SYN2: variants seen among roughly 807,000 people sequenced by gnomAD.
SYN2 encodes the protein synapsin-2.
SYN2 carries 19 observed loss-of-function variants against 50.9 expected under a neutral mutation model. The observed-to-expected ratio is 0.37, with a 90% CI of 0.26 to 0.55. The LOEUF is 0.55. Among genes scored for constraint, SYN2 ranks in the 20% least tolerant of loss-of-function variants. The pLI, the probability that SYN2 is intolerant of heterozygous loss-of-function variation, is 0.81. For synonymous variants in SYN2, 255 were observed against 224.9 expected, an observed-to-expected ratio of 1.13 and a Z score of -1.20; for missense variants, 587 against 576.4, an observed-to-expected ratio of 1.02 and a Z score of -0.19.
intron 1 of SYN2, among the ~76,000 whole-genome samples, chr3:12,132,911 G>A (rs1185973725): frequency 5.9e-5 from 9 of 152,116 alleles, no homozygotes; most frequent in African/African-American, 2.2e-4. Context: ...GATTGTAGTT[G>A]AGCATTCCAG....
chr3:12,179,166 C>T (rs1399730250), intron 10 of SYN2, among the ~76,000 whole-genome samples: 1 of 152,072 alleles, frequency 6.6e-6, no homozygotes, highest in Non-Finnish European at 1.5e-5. Flanking sequence ...TTCAGCGTAG[C>T]AGGATACCAG....
At chr3:12,092,831 G>A (rs1695858167) in intron 1 of SYN2, among the ~76,000 whole-genome samples, 1 of 152,194 alleles carries the variant, frequency 6.6e-6, no homozygotes, top group Admixed American at 6.5e-5. Flanking sequence ...TTGAGCCAGA[G>A]TTTGAGGTGA....
At chr3:12,132,427 C>T (rs112698449) in intron 1 of SYN2, among the ~76,000 whole-genome samples, 1 of 152,174 alleles carries the variant, frequency 6.6e-6, no homozygotes, top group Non-Finnish European at 1.5e-5. Context: ...AAACCAGTAA[C>T]ATTAAGATGA....
intron 1 of SYN2, among the ~76,000 whole-genome samples, chr3:12,088,449 G>A (rs189823149): frequency 5.9e-5 from 9 of 152,274 alleles, no homozygotes; most frequent in Admixed American, 4.6e-4. Flanking sequence ...TGCACTATTG[G>A]TGGGAAGGTA....
chr3:12,046,913 G>A (rs1309819749), intron 1 of SYN2, among the ~76,000 whole-genome samples: 1 of 151,916 alleles, frequency 6.6e-6, no homozygotes, highest in South Asian at 2.1e-4. Context: ...GGGAGATGAT[G>A]AATGTTGTTT....
chr3:12,091,045 C>A (rs1393306676), intron 1 of SYN2, among the ~76,000 whole-genome samples: 3 of 152,150 alleles, frequency 2.0e-5, no homozygotes, highest in Non-Finnish European at 4.4e-5. Context: ...CTTCTTCTAT[C>A]TCTTCCCCTC....
chr3:12,106,797 G>A (rs1444221869), intron 1 of SYN2, among the ~76,000 whole-genome samples: 2 of 152,076 alleles, frequency 1.3e-5, no homozygotes, highest in Admixed American at 1.3e-4. Context: ...CAAAAATCAT[G>A]TGTAATTTAG....
chr3:12,156,221 G>A (rs1352509255), intron 5 of SYN2, among the ~76,000 whole-genome samples: 1 of 152,188 alleles, frequency 6.6e-6, no homozygotes, highest in Non-Finnish European at 1.5e-5. Flanking sequence ...TTTCAGGCCA[G>A]TTTAGATCCC....
intron 11 of SYN2, chr3:12,184,245 A>G (rs1574895292): frequency 3.0e-6 from 3 of 985,888 alleles, no homozygotes; most frequent in South Asian, 9.4e-5. Context: ...GATGTGCAAT[A>G]TCAAAGTGAA....
intron 1 of SYN2, among the ~76,000 whole-genome samples, chr3:12,118,940 A>G (rs1408187934): frequency 6.6e-6 from 1 of 152,212 alleles, no homozygotes; most frequent in Non-Finnish European, 1.5e-5. Context: ...CAAATTGTTA[A>G]TGAACTATTT....
chr3:12,069,294 G>T (rs1217417182), intron 1 of SYN2, among the ~76,000 whole-genome samples: 2 of 151,060 alleles, frequency 1.3e-5, no homozygotes, highest in Non-Finnish European at 2.9e-5. Context: ...TGTCACCCAG[G>T]CTGGAGTGCA....
chr3:12,145,594 A>G (rs1697127521), intron 3 of SYN2, 85 bp from the exon 4 acceptor site: 5 of 1,481,266 alleles, frequency 3.4e-6, no homozygotes, highest in Admixed American at 1.9e-5. Flanking sequence ...CCTCTTCTTT[A>G]TCTTGGGTTT....
At chr3:12,017,786 G>C (rs1281864135) in intron 1 of SYN2, among the ~76,000 whole-genome samples, 1 of 152,172 alleles carries the variant, frequency 6.6e-6, no homozygotes, top group East Asian at 1.9e-4. Context: ...CCTGTCATTT[G>C]TGAACAGATT....
At chr3:12,150,181 T>C (rs1161148967) in intron 4 of SYN2, among the ~76,000 whole-genome samples, 4 of 152,232 alleles carry the variant, frequency 2.6e-5, no homozygotes, top group Non-Finnish European at 4.4e-5. Flanking sequence ...ATCTAGCAGC[T>C]TTCCCTTCTA....
intron 1 of SYN2, among the ~76,000 whole-genome samples, chr3:12,011,271 C>T (rs773411906): frequency 6.6e-6 from 1 of 152,090 alleles, no homozygotes; most frequent in African/African-American, 2.4e-5. Flanking sequence ...AAAATTGTTA[C>T]CTAATTTTTT....
At chr3:12,009,603 G>A (rs892093244) in intron 1 of SYN2, among the ~76,000 whole-genome samples, 6 of 152,110 alleles carry the variant, frequency 3.9e-5, no homozygotes, top group Admixed American at 2.0e-4. Context: ...CTCTTAAGTC[G>A]CTCTTTGAGA....
intron 1 of SYN2, among the ~76,000 whole-genome samples, chr3:12,053,854 AATG>A (rs141977840): frequency 1.3e-5 from 2 of 152,314 alleles, no homozygotes; most frequent in East Asian, 1.9e-4. Flanking sequence ...ATATAATTAA[AATG>A]ATAAGTTTTG....
chr3:12,020,460 T>A (rs947297264), intron 1 of SYN2, among the ~76,000 whole-genome samples: 1 of 151,808 alleles, frequency 6.6e-6, no homozygotes, highest in Non-Finnish European at 1.5e-5. Context: ...GGGAAAGGAT[T>A]TGAAGCACCT....
chr3:12,119,936 C>T (rs770320367), intron 1 of SYN2, among the ~76,000 whole-genome samples: 31 of 152,096 alleles, frequency 2.0e-4, no homozygotes, highest in Non-Finnish European at 3.5e-4. Context: ...AAATCATAGA[C>T]CCCTGAAGCT....
Sources: allele counts gnomAD v4.1 joint callset (sites outside exome capture counted in the v4.1 genomes callset), GRCh38; gene constraint gnomAD v4.1.1; transcripts MANE v1.5; gene names NCBI Gene and HGNC (gene_info 2026-07-23, HGNC 2026-07-21).